TMED3: variants seen among roughly 807,000 people sequenced by gnomAD.
TMED3 encodes transmembrane p24 trafficking protein 3.
Under a neutral mutation model 15.0 loss-of-function variants are expected in TMED3, and 9 were observed. That is an observed-to-expected ratio of 0.60 (90% confidence interval 0.36 to 1.04). The LOEUF (loss-of-function observed/expected upper bound fraction) is 1.04. Among genes scored for constraint, TMED3 ranks in the 50% least tolerant of loss-of-function variants. The pLI, the probability that TMED3 is intolerant of heterozygous loss-of-function variation, is 0.01. For synonymous variants in TMED3, 117 were observed against 121.4 expected, an observed-to-expected ratio of 0.96 and a Z score of 0.24; for missense variants, 267 against 278.9, an observed-to-expected ratio of 0.96 and a Z score of 0.30.
exon 3 of TMED3, chr15:79,411,537 T>C (rs1893979770): frequency 2.9e-6 from 2 of 700,582 alleles, no homozygotes; most frequent in East Asian, 2.7e-5. Context: ...TGAGAGTGGA[T>C]GGAGGGAAGA....
chr15:79,380,006 G>A (rs569208745), intron 2 of TMED3, among the ~76,000 whole-genome samples: 175 of 152,258 alleles, frequency 1.1e-3, no homozygotes, highest in Admixed American at 3.7e-3. Flanking sequence ...GTGTACACTG[G>A]AGAATTCTGG....
intron 2 of TMED3, among the ~76,000 whole-genome samples, chr15:79,399,271 T>C (rs1172335837): frequency 6.6e-6 from 1 of 152,092 alleles, no homozygotes; most frequent in Non-Finnish European, 1.5e-5. Context: ...TTTGACCAAA[T>C]ATCTGAGCTC....
rs920569655 is a variant in TMED3 at position 79,322,524 on chromosome 15, T to A, written c.*310T>A. 2 of 1,187,554 alleles carry A rather than the reference T, an allele frequency of 1.7e-6. No homozygotes were observed. Among genetic ancestry groups the A allele is most frequent in the African/African-American group, 3.1e-5 (2 of 64,046 alleles). The allele number at this position is 1,187,554 out of a possible 1,614,324, so 73.6% of individuals were successfully genotyped here. On this transcript the variant is annotated 3_prime_UTR_variant, in exon 3 of 3. Transcript: ENST00000299705. ...CAGTGGCCTGGCTGTTGGCAGGAAC[T>A]CCAAGTGCCCAGGCCTCTTGGGCAG...
intron 2 of TMED3, among the ~76,000 whole-genome samples, chr15:79,331,820 C>T (rs1045987440): frequency 1.3e-5 from 2 of 152,136 alleles, no homozygotes; most frequent in African/African-American, 4.8e-5. Context: ...CACTAATTAT[C>T]AGAGAAATGC....
chr15:79,318,083 C>A (rs565921749), intron 2 of TMED3, among the ~76,000 whole-genome samples: 17 of 152,292 alleles, frequency 1.1e-4, no homozygotes, highest in African/African-American at 3.8e-4. Flanking sequence ...CTGTACAGTT[C>A]TTTGCCTGTG....
chr15:79,358,407 A>G (rs1893054282), intron 2 of TMED3, among the ~76,000 whole-genome samples: 1 of 152,214 alleles, frequency 6.6e-6, no homozygotes, highest in Non-Finnish European at 1.5e-5. Context: ...GTCTAGGCAA[A>G]TGGTTCAGGG....
At chr15:79,386,932 A>G (rs1254003688) in intron 2 of TMED3, among the ~76,000 whole-genome samples, 3 of 136,792 alleles carry the variant, frequency 2.2e-5, no homozygotes, top group African/African-American at 8.2e-5. Flanking sequence ...TAATCTTTTA[A>G]TCTTTTTTTT....
intron 2 of TMED3, among the ~76,000 whole-genome samples, chr15:79,387,925 T>G (rs1893647094): frequency 2.0e-5 from 3 of 152,158 alleles, no homozygotes; most frequent in Non-Finnish European, 4.4e-5. Context: ...TGATTTTGTT[T>G]TCTGACAATT....
chr15:79,331,799 A>C (rs930833643), intron 2 of TMED3, among the ~76,000 whole-genome samples: 3 of 152,248 alleles, frequency 2.0e-5, no homozygotes, highest in African/African-American at 7.2e-5. Context: ...ATATGAAAAT[A>C]TGCTCAACAT....
chr15:79,362,734 A>T (rs117212716), intron 2 of TMED3, among the ~76,000 whole-genome samples: 2 of 151,290 alleles, frequency 1.3e-5, no homozygotes, highest in African/African-American at 4.9e-5. Flanking sequence ...CTGCACATGC[A>T]CTCTTATCTC....
intron 2 of TMED3, among the ~76,000 whole-genome samples, chr15:79,391,064 T>C (rs781342984): frequency 6.6e-5 from 10 of 152,116 alleles, no homozygotes; most frequent in Non-Finnish European, 1.2e-4. Context: ...TTGTATTTTT[T>C]TTTTCATTTC....
chr15:79,390,607 G>T (rs1166971319), intron 2 of TMED3, among the ~76,000 whole-genome samples: 1 of 152,144 alleles, frequency 6.6e-6, no homozygotes, highest in African/African-American at 2.4e-5. Flanking sequence ...TCCATAGAAT[G>T]AATTAGGGAG....
At chr15:79,396,796 G>C (rs1893768460) in intron 2 of TMED3, among the ~76,000 whole-genome samples, 1 of 152,102 alleles carries the variant, frequency 6.6e-6, no homozygotes, top group African/African-American at 2.4e-5. Context: ...GAGTTTCAAG[G>C]ACTTAATATT....
chr15:79,348,088 T>A (rs1013708162), intron 2 of TMED3, among the ~76,000 whole-genome samples: 3 of 152,162 alleles, frequency 2.0e-5, no homozygotes, highest in Admixed American at 2.0e-4. Context: ...TAACAATTAT[T>A]AAGCACTTAC....
At chr15:79,328,461 T>A (rs1332945260) in intron 2 of TMED3, among the ~76,000 whole-genome samples, 1 of 152,180 alleles carries the variant, frequency 6.6e-6, no homozygotes, top group African/African-American at 2.4e-5. Context: ...CTTAAGCAGG[T>A]CTAAAGCCTG....
chr15:79,384,407 T>A (rs1221370443), intron 2 of TMED3: 1 of 152,222 alleles, frequency 6.6e-6, no homozygotes, highest in East Asian at 1.9e-4. Flanking sequence ...GGAAAGAGTG[T>A]GGCACATCTG....
Position 79,409,507 on chromosome 15 carries a change from G to A in TMED3, c.418-1893G>A, listed in dbSNP as rs77285822. Among the ~76,000 whole-genome samples, 79 of 152,322 alleles carry A rather than the reference G, an allele frequency of 5.2e-4. 1 individual carries two copies. The East Asian group carries it at 0.011, about 20-fold the overall frequency. ...CACTGCTCAGAGTTCATGCAAATGGGCCCGCTAACATTAATTTGCTGGACA... is the reference window on the plus strand; with the variant it reads ...CACTGCTCAGAGTTCATGCAAATGGACCCGCTAACATTAATTTGCTGGACA... On this transcript the variant is annotated intron_variant, in intron 2 of 2. Transcript: ENST00000424155.
At chr15:79,383,718 T>C (rs1179141811) in intron 2 of TMED3, 3 of 152,348 alleles carry the variant, frequency 2.0e-5, no homozygotes, top group African/African-American at 7.2e-5. Context: ...CTTTGATCTC[T>C]AGCCCCTCCA....
intron 2 of TMED3, chr15:79,314,410 A>T: frequency 2.5e-6 from 1 of 393,290 alleles, no homozygotes. Flanking sequence ...AACACCAAAC[A>T]TCAATGGCTT....
Sources: gnomAD v4.1 joint callset for allele counts (sites outside exome capture counted in the v4.1 genomes callset) on GRCh38, gnomAD v4.1.1 for gene constraint, MANE v1.5 for transcripts, NCBI Gene and HGNC (gene_info 2026-07-23, HGNC 2026-07-21) for gene names.